The following PDE4D variants were observed in gnomAD, a reference collection of about 807,000 sequenced individuals.
The protein encoded by PDE4D is 3',5'-cyclic-AMP phosphodiesterase 4D.
In PDE4D, 24 loss-of-function variants were observed where a neutral mutation model predicts 87.4. That is an observed-to-expected ratio of 0.27 (90% confidence interval 0.20 to 0.39). The LOEUF (loss-of-function observed/expected upper bound fraction) is 0.39, where lower values mean the gene tolerates loss of function less well. Among genes scored for constraint, PDE4D ranks in the 10% least tolerant of loss-of-function variants. The pLI, the probability that PDE4D is intolerant of heterozygous loss-of-function variation, is 1.00. For synonymous variants in PDE4D, 384 were observed against 383.2 expected, an observed-to-expected ratio of 1.00 and a Z score of -0.02; for missense variants, 714 against 1,041.0, an observed-to-expected ratio of 0.69 and a Z score of 4.32.
intron 5 of PDE4D, among the ~76,000 whole-genome samples, chr5:59,090,295 T>C (rs1481010323): frequency 6.6e-6 from 1 of 152,144 alleles, no homozygotes; most frequent in African/African-American, 2.4e-5. Flanking sequence ...TTCACGCATA[T>C]AAAATTTTAC....
intron 1 of PDE4D, among the ~76,000 whole-genome samples, chr5:60,305,416 A>G (rs1383718578): frequency 2.0e-5 from 3 of 152,110 alleles, no homozygotes; most frequent in East Asian, 3.8e-4. Flanking sequence ...GGGAGAAAGG[A>G]AAATAAAAGT....
chr5:59,791,073 C>T (rs1765730778), intron 1 of PDE4D, among the ~76,000 whole-genome samples: 1 of 152,192 alleles, frequency 6.6e-6, no homozygotes, highest in South Asian at 2.1e-4. Flanking sequence ...ACTCAGAGTC[C>T]TGACAGTACG....
In PDE4D at chr5:60,345,373, C is replaced by T. The variant is rs1236093445; in HGVS notation, c.-90+142569G>A. On this transcript the variant is annotated intron_variant, in intron 1 of 16. Transcript: ENST00000502484. ...ATGACGAGTTAATGGGTGCAGCACA[C>T]CAACATGGCACATGTATACATATGT... is the stretch of plus-strand genomic sequence containing the variant. Among the ~76,000 whole-genome samples the T allele has an allele frequency of 2.6e-5, 4 of 151,844 alleles. No individual in the cohort carries two copies. The East Asian group carries it at 7.8e-4, about 29-fold the overall frequency.
At position 59,454,771 on chromosome 5, in the gene PDE4D, C is replaced by T. The variant is rs569948165; in HGVS notation, c.456-238803G>A. On this transcript the variant is annotated intron_variant, in intron 1 of 14. Coordinates refer to ENST00000340635, the MANE Select transcript of PDE4D (RefSeq NM_001104631.2). ...ATGTTGAGTGGCTTTGACAAAAATG[C>T]TGACAGTGATATGAACAATAAGGTC... Among the ~76,000 whole-genome samples, 7 of 152,294 alleles carry T rather than the reference C, an allele frequency of 4.6e-5. No homozygotes were observed. In the South Asian group the frequency reaches 1.5e-3, roughly 32 times the overall value.
At chr5:60,039,205 A>G (rs1422939081) in intron 2 of PDE4D, among the ~76,000 whole-genome samples, 1 of 152,220 alleles carries the variant, frequency 6.6e-6, no homozygotes, top group East Asian at 1.9e-4. Flanking sequence ...CAAGAATGAT[A>G]GACTGGATTA....
At chr5:60,140,371 G>C (rs1289890565) in intron 2 of PDE4D, among the ~76,000 whole-genome samples, 3 of 151,926 alleles carry the variant, frequency 2.0e-5, no homozygotes, top group Non-Finnish European at 4.4e-5. Flanking sequence ...TTGCAAGCTA[G>C]GTGGAACTCG....
At chr5:59,737,454 G>T (rs1758235091) in intron 1 of PDE4D, among the ~76,000 whole-genome samples, 1 of 152,062 alleles carries the variant, frequency 6.6e-6, no homozygotes, top group African/African-American at 2.4e-5. Flanking sequence ...ACCTGGGCAA[G>T]TTCCTTAATC....
chr5:60,127,771 G>C (rs1779239232), intron 2 of PDE4D: 3 of 510,450 alleles, frequency 5.9e-6, no homozygotes, highest in Non-Finnish European at 1.0e-5. Flanking sequence ...AAAAGCGGTA[G>C]GATATACAGG....
chr5:60,363,098 G>A (rs1178544395), intron 1 of PDE4D, among the ~76,000 whole-genome samples: 1 of 152,066 alleles, frequency 6.6e-6, no homozygotes, highest in African/African-American at 2.4e-5. Flanking sequence ...TAGGCTCAAA[G>A]CAAACTAGAA....
intron 1 of PDE4D, among the ~76,000 whole-genome samples, chr5:59,636,513 G>C (rs1273873891): frequency 6.6e-6 from 1 of 152,076 alleles, no homozygotes; most frequent in Non-Finnish European, 1.5e-5. Flanking sequence ...ATACTATAAG[G>C]CTACAGTAAC....
intron 6 of PDE4D, among the ~76,000 whole-genome samples, chr5:59,024,202 T>C (rs1349551043): frequency 7.0e-6 from 1 of 142,496 alleles, no homozygotes; most frequent in Non-Finnish European, 1.5e-5. Flanking sequence ...GAATTCTACT[T>C]TTTTTTTTTT....
chr5:59,386,684 C>T (rs1471799565), intron 1 of PDE4D, among the ~76,000 whole-genome samples: 2 of 63,054 alleles, frequency 3.2e-5, no homozygotes, highest in African/African-American at 9.1e-5. Flanking sequence ...CAGGGCAGCG[C>T]AGGAGGAAGG....
At position 60,260,325 on chromosome 5, in the gene PDE4D, G is replaced by A. The variant is rs577277041; in HGVS notation, c.-89-74638C>T. Among the ~76,000 whole-genome samples, 23 of 151,982 alleles carry A rather than the reference G, an allele frequency of 1.5e-4. No individual in the cohort carries two copies. The East Asian group carries it at 2.5e-3, about 17-fold the overall frequency. On this transcript the variant is annotated intron_variant, in intron 1 of 16. Transcript: ENST00000502484. The stretch of plus-strand genomic sequence containing the variant: ...TGACAGAATCATGGTTGGAGCCCAG[G>A]ATACTGAGTCATATCCATGCTAATC...
intron 5 of PDE4D, among the ~76,000 whole-genome samples, chr5:59,127,932 G>C (rs1236803516): frequency 6.6e-6 from 1 of 151,718 alleles, no homozygotes. Context: ...GTTCCTTAGC[G>C]TTCTGTCCTG....
At chr5:60,437,208 C>CA (rs754211876) in intron 1 of PDE4D, among the ~76,000 whole-genome samples, 1 of 152,070 alleles carries the variant, frequency 6.6e-6, no homozygotes, top group Non-Finnish European at 1.5e-5. Flanking sequence ...ACTCAATAAA[C>CA]ACTGGTTGGG....
At chr5:60,423,971 C>T (rs1313340300) in intron 1 of PDE4D, among the ~76,000 whole-genome samples, 1 of 152,132 alleles carries the variant, frequency 6.6e-6, no homozygotes, top group African/African-American at 2.4e-5. Flanking sequence ...CATACACCCT[C>T]CCAAGAATAA....
At chr5:59,304,083 T>C (rs1770794664) in intron 1 of PDE4D, among the ~76,000 whole-genome samples, 1 of 152,138 alleles carries the variant, frequency 6.6e-6, no homozygotes, top group Non-Finnish European at 1.5e-5. Context: ...TGTTTTGTAG[T>C]TTTCCTTGTA....
At chr5:59,319,160 A>ATGTGTGTGTG (rs59099367) in intron 1 of PDE4D, among the ~76,000 whole-genome samples, 6 of 139,674 alleles carry the variant, frequency 4.3e-5, no homozygotes, top group African/African-American at 1.0e-4. Context: ...GTACATATAT[A>ATGTGTGTGTG]TGTGTGTGTG....
intron 1 of PDE4D, among the ~76,000 whole-genome samples, chr5:59,418,539 C>A (rs1446694730): frequency 6.6e-6 from 1 of 152,130 alleles, no homozygotes; most frequent in East Asian, 1.9e-4. Flanking sequence ...TCAGAGCTGC[C>A]AAAATATTTT....
Sources: allele counts gnomAD v4.1 joint callset (sites outside exome capture counted in the v4.1 genomes callset), GRCh38; gene constraint gnomAD v4.1.1; transcripts MANE v1.5; gene names NCBI Gene and HGNC (gene_info 2026-07-23, HGNC 2026-07-21).